BBS9: variants seen among roughly 807,000 people sequenced by gnomAD.
BBS9 encodes the protein Bardet-Biedl syndrome 9, also known as protein PTHB1.
Under a neutral mutation model 117.7 loss-of-function variants are expected in BBS9, and 89 were observed. The ratio of observed to expected loss-of-function variants is 0.76; its 90% CI spans 0.64 to 0.90. The LOEUF (loss-of-function observed/expected upper bound fraction) is 0.90. Ranked by LOEUF, BBS9 falls within the 40% of genes least tolerant of loss-of-function variation. The pLI, the probability that BBS9 is intolerant of heterozygous loss-of-function variation, is 0.00. For synonymous variants in BBS9, 379 were observed against 370.9 expected (o/e 1.02, Z -0.25); for missense variants, 982 against 1,042.2 (o/e 0.94, Z 0.80).
intron 10 of BBS9, 140 bp downstream of exon 10, chr7:33,336,762 CT>C: frequency 1.5e-6 from 1 of 654,068 alleles, no homozygotes; most frequent in Non-Finnish European, 2.6e-6. Flanking sequence ...CAGTATTGCT[CT>C]TTAGCACACA....
chr7:33,400,575 C>G (rs966794040), intron 19 of BBS9, among the ~76,000 whole-genome samples: 10 of 152,120 alleles, frequency 6.6e-5, no homozygotes, highest in African/African-American at 2.2e-4. Context: ...CCGTCATTTT[C>G]TCTCTCTCTT....
chr7:33,482,085 T>C (rs1842582227), intron 19 of BBS9, among the ~76,000 whole-genome samples: 1 of 152,006 alleles, frequency 6.6e-6, no homozygotes, highest in Admixed American at 6.6e-5. Context: ...GGTACTAAAG[T>C]GTGATTTTTT....
At chr7:33,190,769 A>G (rs1417267412) in intron 5 of BBS9, among the ~76,000 whole-genome samples, 1 of 152,200 alleles carries the variant, frequency 6.6e-6, no homozygotes, top group Non-Finnish European at 1.5e-5. Context: ...CTCTGAACCA[A>G]TCATTGCCAC....
chr7:33,198,895 G>C (rs1278115472), intron 5 of BBS9, among the ~76,000 whole-genome samples: 1 of 151,824 alleles, frequency 6.6e-6, no homozygotes, highest in Non-Finnish European at 1.5e-5. Context: ...TTTTAATGTG[G>C]GTCCTGATAT....
In BBS9 at chr7:33,351,417, A is replaced by G. The variant is rs959919728; in HGVS notation, c.1537+94A>G. 15 of 851,904 alleles carry G rather than the reference A, an allele frequency of 1.8e-5. No individual in the cohort carries two copies. In the African/African-American group the frequency reaches 2.2e-4, roughly 12 times the overall value. The allele number at this position is 851,904 out of a possible 1,614,324, so 52.8% of individuals were successfully genotyped here. On this transcript the variant is annotated intron_variant, in intron 14 of 22. Transcript: ENST00000242067. ...ATGAGAAAACATACTGTGAAATATC[A>G]TTAAATGAGAAAATGTTATTTTCTA...
intron 5 of BBS9, among the ~76,000 whole-genome samples, chr7:33,188,097 T>G: frequency 1.2e-5 from 1 of 81,418 alleles, no homozygotes. Flanking sequence ...TGTGTGTGTG[T>G]GTGTGTGTGT....
At position 33,325,414 on chromosome 7, in the gene BBS9, C is replaced by T. The variant is rs563973064; in HGVS notation, c.1017-11027C>T. 2.0e-5 allele frequency among the ~76,000 whole-genome samples: 3 copies of T among 152,206 alleles called. No individual in the cohort carries two copies. The East Asian group carries it at 5.8e-4, about 29-fold the overall frequency. On this transcript the variant is annotated intron_variant, in intron 9 of 22. Transcript: ENST00000242067. ...GTTATCTTGAATTTCTTTGTGTTTCCTCAAAACAGCTATTTTGATTTCTCT... is the reference window on the plus strand; with the variant it reads ...GTTATCTTGAATTTCTTTGTGTTTCTTCAAAACAGCTATTTTGATTTCTCT...
At chr7:33,175,051 C>T (rs1797129910) in intron 4 of BBS9, among the ~76,000 whole-genome samples, 2 of 152,204 alleles carry the variant, frequency 1.3e-5, no homozygotes, top group African/African-American at 2.4e-5. Flanking sequence ...TGCCTGTAAT[C>T]CCAGCACTTT....
At chr7:33,167,288 G>C (rs1590140) in intron 4 of BBS9, among the ~76,000 whole-genome samples, 28,704 of 151,050 alleles carry the variant, frequency 0.19, 3,551 homozygotes, top group Admixed American at 0.34. Flanking sequence ...TTTCAGTACT[G>C]TCTGGTTTAG....
chr7:33,455,562 G>T lies in BBS9; in HGVS notation c.2116-49901G>T, dbSNP rs1838525025. Among the ~76,000 whole-genome samples the T allele has an allele frequency of 4.6e-5, 7 of 152,076 alleles. No individual in the cohort carries two copies. In the South Asian group the frequency reaches 1.5e-3, roughly 32 times the overall value. ...CATGTCCCACTACTCAAGGCAATCT[G>T]ACAAAGTTGGTCTGGCTTTTCCTAG... On this transcript the variant is annotated intron_variant, in intron 19 of 22. Coordinates refer to ENST00000242067, the MANE Select transcript of BBS9 (RefSeq NM_198428.3).
chr7:33,468,892 T>G (rs1002983419), intron 19 of BBS9, among the ~76,000 whole-genome samples: 7 of 152,192 alleles, frequency 4.6e-5, no homozygotes, highest in African/African-American at 1.7e-4. Flanking sequence ...CATATTTTCT[T>G]TATCCATTCA....
chr7:33,457,819 TTTTAA>T (rs1461979417), intron 19 of BBS9, among the ~76,000 whole-genome samples: 1 of 152,190 alleles, frequency 6.6e-6, no homozygotes, highest in African/African-American at 2.4e-5. Context: ...ACAACTTAAC[TTTTAA>T]TTTAACCACT....
Position 33,177,481 on chromosome 7 carries a change from C to A in BBS9, c.332C>A (p.Thr111Asn), listed in dbSNP as rs750627869. Residue 111 changes from threonine to asparagine, a missense_variant, in exon 5 of 23, where the codon ACC (threonine) becomes AAC (asparagine). Coordinates refer to ENST00000242067, the MANE Select transcript of BBS9 (RefSeq NM_198428.3). Reference sequence around the variant, plus strand: ...ATCCTTTTTTTTTTTTCCTTAGGAACCTTGGGTAATGTGGAACATGGGAAC... The same window carrying A: ...ATCCTTTTTTTTTTTTCCTTAGGAAACTTGGGTAATGTGGAACATGGGAAC... ...RKLCVYSVSG[T>N]LGNVEHGNQC... 7.5e-6 allele frequency: 12 copies of A among 1,597,146 alleles called. No individual in the cohort carries two copies. The highest frequency in any genetic ancestry group is 2.2e-5 in the East Asian group (1 of 44,696).
intron 21 of BBS9, among the ~76,000 whole-genome samples, chr7:33,536,154 A>G (rs1269474334): frequency 6.6e-6 from 1 of 152,188 alleles, no homozygotes; most frequent in Non-Finnish European, 1.5e-5. Flanking sequence ...AGGGCGGGCC[A>G]TCAGTCAGAT....
chr7:33,569,761 C>T (rs774746199), intron 21 of BBS9, among the ~76,000 whole-genome samples: 3 of 151,622 alleles, frequency 2.0e-5, no homozygotes, highest in Non-Finnish European at 4.4e-5. Context: ...AACTCCGTTT[C>T]AAAAAAATAA....
chr7:33,179,643 G>A lies in BBS9; in HGVS notation c.442+2052G>A, dbSNP rs551193566. Among the ~76,000 whole-genome samples the A allele has an allele frequency of 2.2e-4, 34 of 152,168 alleles. No homozygotes were observed. In the South Asian group the frequency reaches 7.1e-3, roughly 32 times the overall value. On this transcript the variant is annotated intron_variant, in intron 5 of 22. Coordinates refer to ENST00000242067, the MANE Select transcript of BBS9 (RefSeq NM_198428.3). Reference sequence around the variant, plus strand: ...TTCTACTGATCCTACACTGTGTCGAGTTGTGTAATTATTTCATTATATATT... The same window carrying A: ...TTCTACTGATCCTACACTGTGTCGAATTGTGTAATTATTTCATTATATATT...
chr7:33,541,926 A>G (rs1325951150), intron 21 of BBS9, among the ~76,000 whole-genome samples: 1 of 149,746 alleles, frequency 6.7e-6, no homozygotes, highest in African/African-American at 2.5e-5. Context: ...TAAGTTATAT[A>G]TGAATTATAT....
At chr7:33,479,503 A>G (rs1842236700) in intron 19 of BBS9, among the ~76,000 whole-genome samples, 1 of 152,174 alleles carries the variant, frequency 6.6e-6, no homozygotes, top group Non-Finnish European at 1.5e-5. Context: ...TTCTTTGTAC[A>G]ATCCATTGTT....
At position 33,266,985 on chromosome 7, in the gene BBS9, C is replaced by T. The variant is rs77760808; in HGVS notation, c.702+2611C>T. 0.018 allele frequency among the ~76,000 whole-genome samples: 2,759 copies of T among 152,172 alleles called. 218 individuals are homozygous for T. In the East Asian group the frequency reaches 0.27, roughly 15 times the overall value. Reference sequence around the variant, plus strand: ...GTCTCGATCTCTTGACCTCGTGATCCGCCTGCCTTGGCCTCCCAAAGTGCT... The same window carrying T: ...GTCTCGATCTCTTGACCTCGTGATCTGCCTGCCTTGGCCTCCCAAAGTGCT... On this transcript the variant is annotated intron_variant, in intron 7 of 22. Transcript: ENST00000242067.
Sources: gnomAD v4.1 joint callset for allele counts (sites outside exome capture counted in the v4.1 genomes callset) on GRCh38, gnomAD v4.1.1 for gene constraint, MANE v1.5 for transcripts, NCBI Gene and HGNC (gene_info 2026-07-23, HGNC 2026-07-21) for gene names.